Variants in TRIM62 observed in about 807,000 individuals in gnomAD.
The protein encoded by TRIM62 is tripartite motif containing 62.
Under a neutral mutation model 44.2 loss-of-function variants are expected in TRIM62, and 39 were observed. That is an observed-to-expected ratio of 0.88 (90% CI 0.68 to 1.15). The LOEUF is 1.15. Ranked by LOEUF, TRIM62 falls within the 50% of genes most tolerant of loss-of-function variation. The pLI is 0.00. For synonymous variants in TRIM62, 278 were observed against 292.3 expected (o/e 0.95, Z 0.50); for missense variants, 544 against 665.5 (o/e 0.82, Z 2.01).
intron 4 of TRIM62, among the ~76,000 whole-genome samples, chr1:33,154,365 C>T (rs1223053003): frequency 1.3e-5 from 2 of 152,200 alleles, no homozygotes; most frequent in Non-Finnish European, 2.9e-5. Context: ...TGTCACAGCT[C>T]GGAGAGGCAG....
chr1:33,152,776 A>C (rs931968578), intron 4 of TRIM62, among the ~76,000 whole-genome samples: 5 of 152,018 alleles, frequency 3.3e-5, no homozygotes, highest in African/African-American at 9.7e-5. Flanking sequence ...AGGGGAGTGC[A>C]TTGCTCTGGG....
chr1:33,148,009 C>T (rs890897314), intron 4 of TRIM62, among the ~76,000 whole-genome samples: 5 of 152,136 alleles, frequency 3.3e-5, no homozygotes, highest in African/African-American at 1.2e-4. Context: ...TGGGCACTGG[C>T]AAATGTTTGT....
At chr1:33,174,329 A>C (rs1374956651) in intron 1 of TRIM62, among the ~76,000 whole-genome samples, 1 of 152,110 alleles carries the variant, frequency 6.6e-6, no homozygotes, top group Non-Finnish European at 1.5e-5. Flanking sequence ...CTACAGGTGC[A>C]TGAAACCATG....
chr1:33,156,636 C>T (rs1387097815), intron 4 of TRIM62, among the ~76,000 whole-genome samples: 1 of 152,162 alleles, frequency 6.6e-6, no homozygotes, highest in Non-Finnish European at 1.5e-5. Context: ...TATCCGCCCC[C>T]ACTTCCTAGG....
In TRIM62 at chr1:33,159,979, G is replaced by A; in HGVS notation, c.505-35C>T. 2 of 1,586,842 alleles carry A rather than the reference G, an allele frequency of 1.3e-6. No individual in the cohort carries two copies. The highest frequency in any genetic ancestry group is 1.7e-6 in the Non-Finnish European group (2 of 1,169,082). The stretch of plus-strand genomic sequence containing the variant: ...ACAGTCGTCAGGGGTTATGGCTGGG[G>A]GAGCAGATGGGGTGATCTCTGGGTG... On this transcript the variant is annotated intron_variant, in intron 2 of 4. Coordinates refer to ENST00000291416, the MANE Select transcript of TRIM62 (RefSeq NM_018207.3). This position sits in a 1 kb window ranked among gnomAD's most constrained non-coding sequence, Gnocchi z 4.2.
chr1:33,165,609 T>C lies in TRIM62; in HGVS notation c.409-43A>G, dbSNP rs937277006. On this transcript the variant is annotated intron_variant, in intron 1 of 4. Coordinates refer to ENST00000291416, the MANE Select transcript of TRIM62 (RefSeq NM_018207.3). This position sits in a 1 kb window ranked among gnomAD's most constrained non-coding sequence, Gnocchi z 4.0. Reference sequence around the variant, plus strand: ...CCGGGATGGGGGCAGGGGCCATGCCTGGCCCAGGCATTCAGCCCTGACCAC... The same window carrying C: ...CCGGGATGGGGGCAGGGGCCATGCCCGGCCCAGGCATTCAGCCCTGACCAC... The C allele has an allele frequency of 6.5e-7, 1 of 1,536,316 alleles. No homozygotes were observed. The highest frequency in any genetic ancestry group is 2.4e-5 in the East Asian group (1 of 42,074).
intron 4 of TRIM62, among the ~76,000 whole-genome samples, 188 bp downstream of exon 4, chr1:33,158,065 G>T (rs1432951613): frequency 1.3e-5 from 2 of 152,146 alleles, no homozygotes; most frequent in Non-Finnish European, 2.9e-5. Flanking sequence ...ATCTCCTGGG[G>T]TGTTATGAAG....
In TRIM62 at chr1:33,148,135, A is replaced by T. The variant is rs549327620; in HGVS notation, c.878-408T>A. ...AATGGGGAAATTGGTGAGTGTGTTCAGGTTGTCTTAACAACAGCTGGGATC... is the reference window on the plus strand; with the variant it reads ...AATGGGGAAATTGGTGAGTGTGTTCTGGTTGTCTTAACAACAGCTGGGATC... On this transcript the variant is annotated intron_variant, in intron 4 of 4. Coordinates refer to ENST00000291416, the MANE Select transcript of TRIM62 (RefSeq NM_018207.3). 3.3e-4 allele frequency among the ~76,000 whole-genome samples: 50 copies of T among 152,316 alleles called. 1 individual carries two copies. The South Asian group carries it at 8.9e-3, about 27-fold the overall frequency.
Position 33,147,099 on chromosome 1 carries a change from T to C in TRIM62, c.*78A>G. The C allele has an allele frequency of 4.6e-6, 7 of 1,511,120 alleles. No homozygotes were observed. Among genetic ancestry groups the C allele is most frequent in the South Asian group, 1.3e-5 (1 of 79,314 alleles). The allele number at this position is 1,511,120 out of a possible 1,614,324, so 93.6% of individuals were successfully genotyped here. A position where few individuals can be genotyped will look rare whatever the true frequency, so the allele number is the denominator to read the frequency against. ...CTCCAGTGGCCACGGTGGGCTGGAGTCCAGGTCTTCTATCTCCTGGGCAGG... is the reference window on the plus strand; with the variant it reads ...CTCCAGTGGCCACGGTGGGCTGGAGCCCAGGTCTTCTATCTCCTGGGCAGG... On this transcript the variant is annotated 3_prime_UTR_variant, in exon 5 of 5. Transcript: ENST00000291416. This position sits in a 1 kb window ranked among gnomAD's most constrained non-coding sequence, Gnocchi z 8.1.
Position 33,147,699 on chromosome 1 carries a change from G to T in TRIM62, c.906C>A (p.Gly302=). ...ACAGGATCAGGCGCTGGTGGGCTGTGCCCGGGTCCAGGGTTAGGGCGGCTG... is the reference window on the plus strand; with the variant it reads ...ACAGGATCAGGCGCTGGTGGGCTGTTCCCGGGTCCAGGGTTAGGGCGGCTG... ...PVPAALTLDP[G]TAHQRLILSD... Residue 302 remains glycine, a synonymous_variant, in exon 5 of 5, where the codon GGC becomes GGA. Transcript: ENST00000291416. This position sits in a 1 kb window ranked among gnomAD's most constrained non-coding sequence, Gnocchi z 8.1. 6.2e-7 allele frequency: 1 copy of T among 1,613,102 alleles called. No homozygotes were observed. The highest frequency in any genetic ancestry group is 8.5e-7 in the Non-Finnish European group (1 of 1,179,560).
chr1:33,145,883 TCC>T lies in TRIM62; in HGVS notation c.*1292_*1293del, dbSNP rs1187679208. On this transcript the variant is annotated 3_prime_UTR_variant, in exon 5 of 5. Coordinates refer to ENST00000291416, the MANE Select transcript of TRIM62 (RefSeq NM_018207.3). ...TCTAGGGAAATGACATTTCCCAGAC[TCC>T]CTTGCAGCCAAGGTTCTGGATCTGA... is the stretch of plus-strand genomic sequence containing the variant. The T allele has an allele frequency of 2.1e-6, 1 of 470,940 alleles. No homozygotes were observed. The highest frequency in any genetic ancestry group is 2.4e-5 in the Admixed American group (1 of 42,546). 29.2% of individuals were successfully genotyped at this position (470,940 alleles called of 1,614,324 possible).
rs557975798 is a variant in TRIM62, at chr1:33,165,221, C to A, written c.504+250G>T. 9.3e-5 allele frequency: 36 copies of A among 387,630 alleles called. No homozygotes were observed. The highest frequency in any genetic ancestry group is 6.9e-4 in the African/African-American group (33 of 48,030). The allele number at this position is 387,630 out of a possible 1,614,324, so 24.0% of individuals were successfully genotyped here. On this transcript the variant is annotated intron_variant, in intron 2 of 4. Transcript: ENST00000291416. This position sits in a 1 kb window ranked among gnomAD's most constrained non-coding sequence, Gnocchi z 4.0. ...ACCCAAAGTGGGAAGGGAGAAATGG[C>A]CCCGTCCTTAACCGAGGGACCAGCC...
rs535912027 is a variant in TRIM62, at chr1:33,177,256, T to G, written c.408+3769A>C. Among the ~76,000 whole-genome samples the G allele has an allele frequency of 6.6e-6, 1 of 152,320 alleles. No homozygotes were observed. The highest frequency in any genetic ancestry group is 2.1e-4 in the South Asian group (1 of 4,822). On this transcript the variant is annotated intron_variant, in intron 1 of 4. Transcript: ENST00000291416. The surrounding 1 kb of genome is among the most constrained non-coding windows in gnomAD (Gnocchi z 4.1). ...TTTTACATTATACAGCTCTGCTTCT[T>G]ATGTTAATTTTATAATCAGAATAAA...
At chr1:33,153,101 G>C (rs2124718186) in intron 4 of TRIM62, among the ~76,000 whole-genome samples, 1 of 152,268 alleles carries the variant, frequency 6.6e-6, no homozygotes, top group African/African-American at 2.4e-5. Flanking sequence ...GCTGGATGGG[G>C]TTCTCAGGTG....
rs1645241630 is a variant in TRIM62, at chr1:33,159,993, G to C, written c.505-49C>G. On this transcript the variant is annotated intron_variant, in intron 2 of 4. Transcript: ENST00000291416. This position sits in a 1 kb window ranked among gnomAD's most constrained non-coding sequence, Gnocchi z 4.2. ...TTATGGCTGGGGGAGCAGATGGGGT[G>C]ATCTCTGGGTGAGAGGAGGAAATCG... 1 of 1,580,230 alleles carries C rather than the reference G, an allele frequency of 6.3e-7. No homozygotes were observed. The highest frequency in any genetic ancestry group is 1.3e-5 in the African/African-American group (1 of 74,430).
chr1:33,159,720 G>C lies in TRIM62; in HGVS notation c.729C>G (p.Thr243=). ...QERLAETDRH[T]FLAGVASLSE... is the part of the protein sequence containing the mutation. ...ACAGTGAGGCCACCCCAGCCAGGAA[G>C]GTGTGCCGGTCGGTTTCAGCCAGCC... Residue 243 remains threonine, a synonymous_variant, in exon 3 of 5, where the codon ACC becomes ACG. Transcript: ENST00000291416. The surrounding 1 kb of genome is among the most constrained non-coding windows in gnomAD (Gnocchi z 4.2). The C allele has an allele frequency of 4.3e-6, 7 of 1,611,356 alleles. No homozygotes were observed. Among genetic ancestry groups the C allele is most frequent in the Non-Finnish European group, 5.9e-6 (7 of 1,179,350 alleles).
intron 4 of TRIM62, among the ~76,000 whole-genome samples, chr1:33,148,605 A>G (rs911477542): frequency 2.0e-5 from 3 of 152,242 alleles, no homozygotes; most frequent in Admixed American, 2.0e-4. Context: ...ACATGTTGAC[A>G]TACAAAATAT....
At chr1:33,162,273 A>T (rs1645278675) in intron 2 of TRIM62, among the ~76,000 whole-genome samples, 1 of 152,100 alleles carries the variant, frequency 6.6e-6, no homozygotes, top group Non-Finnish European at 1.5e-5. Flanking sequence ...CCCTAGCGCC[A>T]CTGCATTGCA....
intron 1 of TRIM62, among the ~76,000 whole-genome samples, chr1:33,169,814 C>A (rs922692692): frequency 6.6e-6 from 1 of 152,250 alleles, no homozygotes; most frequent in Non-Finnish European, 1.5e-5. Context: ...AGTGCAGACA[C>A]AGAACTGCCC....
Sources: gnomAD v4.1 joint callset for allele counts (sites outside exome capture counted in the v4.1 genomes callset) on GRCh38, gnomAD v4.1.1 for gene constraint, Gnocchi (gnomAD v3.1) non-coding constraint, MANE v1.5 for transcripts, NCBI Gene and HGNC (gene_info 2026-07-23, HGNC 2026-07-21) for gene names.